HEPH: variants seen among roughly 807,000 people sequenced by gnomAD.
HEPH encodes the protein hephaestin.
A neutral mutation model predicts 80.8 loss-of-function variants in HEPH; 69 were observed. The ratio of observed to expected loss-of-function variants is 0.85; its 90% CI spans 0.70 to 1.04. The LOEUF is 1.04. Among genes scored for constraint, HEPH ranks in the 50% least tolerant of loss-of-function variants. The pLI is 0.00. For missense variants in HEPH, 1,115 were observed against 891.3 expected, an observed-to-expected ratio of 1.25 and a Z score of -3.20; for synonymous variants, 431 against 322.8, an observed-to-expected ratio of 1.34 and a Z score of -3.60.
At chrX:66,241,637 T>G (rs1370489089) in intron 15 of HEPH, among the ~76,000 whole-genome samples, 1 of 111,525 alleles carries the variant, frequency 9.0e-6, no homozygotes, top group Non-Finnish European at 1.9e-5. Flanking sequence ...ATGAAGATAC[T>G]TAGATAACCA....
intron 20 of HEPH, among the ~76,000 whole-genome samples, chrX:66,265,551 C>T (rs1427510642): frequency 9.0e-6 from 1 of 111,008 alleles, no homozygotes; most frequent in Non-Finnish European, 1.9e-5. Flanking sequence ...CAAGGTCACA[C>T]AATAAGTTAA....
Position 66,164,999 on chromosome X carries a change from G to A in HEPH, c.-14+529G>A, listed in dbSNP as rs747329645. 2.7e-5 allele frequency among the ~76,000 whole-genome samples: 3 copies of A among 111,883 alleles called. No individual in the cohort carries two copies. In the South Asian group the frequency reaches 1.1e-3, roughly 42 times the overall value. ...CTGGCTATTTTTAACAACTGGCTGC[G>A]TGACTTTGAGCAAATCCTTGCACCT... is the stretch of plus-strand genomic sequence containing the variant. On this transcript the variant is annotated intron_variant, in intron 1 of 20. Coordinates refer to ENST00000343002, the MANE Select transcript of HEPH (RefSeq NM_001367233.3).
intron 1 of HEPH, among the ~76,000 whole-genome samples, chrX:66,167,866 C>T (rs1407651053): frequency 8.9e-6 from 1 of 112,003 alleles, no homozygotes; most frequent in African/African-American, 3.2e-5. Flanking sequence ...AAGAAACTTG[C>T]CTAAGTTCAC....
At chrX:66,214,472 A>G (rs2089295426) in intron 15 of HEPH, among the ~76,000 whole-genome samples, 1 of 111,573 alleles carries the variant, frequency 9.0e-6, no homozygotes, top group South Asian at 3.7e-4. Flanking sequence ...TGTTTGTGAT[A>G]TCATTTGTTG....
chrX:66,189,606 T>G, intron 5 of HEPH, 78 bp from the exon 6 acceptor site: 2 of 1,036,193 alleles, frequency 1.9e-6, no homozygotes, highest in Non-Finnish European at 2.7e-6. Flanking sequence ...TATTATCTAT[T>G]ATTGTCAAAT....
rs752826306 is a variant in HEPH at position 66,173,646 on chromosome X, C to T, written c.470C>T (p.Pro157Leu). 9 of 1,210,339 alleles carry T rather than the reference C, an allele frequency of 7.4e-6. No homozygotes were observed. The highest frequency in any genetic ancestry group is 6.7e-6 in the Non-Finnish European group (6 of 894,760). ...GPLKADDSVP[P>L]GGSHIYNWTI... is the part of the protein sequence containing the mutation. ...CTGAAAGCTGATGACTCTGTTCCCC[C>T]GGGGGGCAGCCATATCTACAACTGG... The change falls in exon 4 of 21, where the codon CCG (proline) becomes CTG (leucine). Residue 157 changes from proline (P) to leucine (L), a missense_variant. Physicochemically the swap from Pro to Leu is moderately conservative, Grantham distance 98 (BLOSUM62 -3). Coordinates refer to ENST00000343002, the MANE Select transcript of HEPH (RefSeq NM_001367233.3).
At chrX:66,220,371 T>C (rs928554372) in intron 15 of HEPH, among the ~76,000 whole-genome samples, 2 of 111,675 alleles carry the variant, frequency 1.8e-5, no homozygotes, top group African/African-American at 6.5e-5. Flanking sequence ...CGATATTTAC[T>C]CAAGGATCCA....
At chrX:66,239,083 C>T (rs996409146) in intron 15 of HEPH, among the ~76,000 whole-genome samples, 1 of 112,400 alleles carries the variant, frequency 8.9e-6, no homozygotes, top group Non-Finnish European at 1.9e-5. Flanking sequence ...TCATGAACAT[C>T]ACAGTGCTGC....
At chrX:66,244,928 T>A (rs1342266694) in intron 15 of HEPH, among the ~76,000 whole-genome samples, 4 of 110,157 alleles carry the variant, frequency 3.6e-5, no homozygotes. Context: ...CTTAAAAATA[T>A]TTTAGTACAT....
At chrX:66,200,998 G>T (rs1228744282) in intron 12 of HEPH, among the ~76,000 whole-genome samples, 1 of 111,835 alleles carries the variant, frequency 8.9e-6, no homozygotes. Context: ...AACAACAGAA[G>T]GGAAGTTGGG....
At chrX:66,254,710 G>GA (rs1003906992) in intron 15 of HEPH, among the ~76,000 whole-genome samples, 6 of 109,373 alleles carry the variant, frequency 5.5e-5, no homozygotes, top group Admixed American at 3.9e-4. Flanking sequence ...ATAGCAGCTG[G>GA]AAAAAATAAA....
At chrX:66,180,626 CT>C (rs750869732) in intron 4 of HEPH, among the ~76,000 whole-genome samples, 1,614 of 32,255 alleles carry the variant, frequency 0.05, 21 homozygotes, top group African/African-American at 0.087. Flanking sequence ...CCCAGGTGTT[CT>C]TTTTTTTTTT....
intron 15 of HEPH, among the ~76,000 whole-genome samples, chrX:66,225,276 T>G (rs1333388731): frequency 1.8e-5 from 2 of 111,837 alleles, no homozygotes; most frequent in African/African-American, 6.5e-5. Context: ...GTGGGCTTAC[T>G]TTGTGCCTGA....
At chrX:66,223,136 G>C (rs943441358) in intron 15 of HEPH, among the ~76,000 whole-genome samples, 1 of 111,341 alleles carries the variant, frequency 9.0e-6, no homozygotes, top group African/African-American at 3.3e-5. Flanking sequence ...TGATAAGAAG[G>C]TGATCTTCAG....
At chrX:66,171,124 C>A (rs5965106) in intron 2 of HEPH, 83,424 of 319,190 alleles carry the variant, frequency 0.26, 11,974 homozygotes, top group African/African-American at 0.76. Flanking sequence ...ATATTTATTT[C>A]AGATATGTGA....
At chrX:66,239,306 C>T (rs1301795806) in intron 15 of HEPH, among the ~76,000 whole-genome samples, 1 of 111,533 alleles carries the variant, frequency 9.0e-6, no homozygotes, top group African/African-American at 3.3e-5. Context: ...ATGGTAGCCC[C>T]TTGTAGAGTC....
intron 15 of HEPH, among the ~76,000 whole-genome samples, chrX:66,239,917 T>G (rs866118168): frequency 1.8e-5 from 2 of 111,688 alleles, no homozygotes; most frequent in South Asian, 3.8e-4. Context: ...TGGTAAACAC[T>G]GCCACTATTT....
At chrX:66,209,938 G>A (rs768791565) in intron 15 of HEPH, among the ~76,000 whole-genome samples, 1 of 111,451 alleles carries the variant, frequency 9.0e-6, no homozygotes, top group Admixed American at 9.6e-5. Context: ...CAGATCTGGA[G>A]CCCAGGAGGA....
At chrX:66,176,530 G>A (rs771318008) in intron 4 of HEPH, among the ~76,000 whole-genome samples, 15 of 110,859 alleles carry the variant, frequency 1.4e-4, no homozygotes, top group African/African-American at 4.9e-4. Context: ...TTAAGTTTTA[G>A]GGTACATGTG....
Sources: allele counts gnomAD v4.1 joint callset (sites outside exome capture counted in the v4.1 genomes callset), GRCh38; gene constraint gnomAD v4.1.1; transcripts MANE v1.5; gene names NCBI Gene and HGNC (gene_info 2026-07-23, HGNC 2026-07-21).